The following MGAT4C variants were observed in gnomAD, a reference collection of about 807,000 sequenced individuals.
The protein encoded by MGAT4C is MGAT4 family member C, also known as alpha-1,3-mannosyl-glycoprotein 4-beta-N-acetylglucosaminyltransferase C.
In MGAT4C, 19 loss-of-function variants were observed where a neutral mutation model predicts 40.1. The ratio of observed to expected loss-of-function variants is 0.47; its 90% CI spans 0.33 to 0.70. The LOEUF is 0.70. Ranked by LOEUF, MGAT4C falls within the 30% of genes least tolerant of loss-of-function variation. MGAT4C has a pLI of 0.02. For synonymous variants in MGAT4C, 181 were observed against 187.1 expected, an observed-to-expected ratio of 0.97 and a Z score of 0.27; for missense variants, 491 against 563.2, an observed-to-expected ratio of 0.87 and a Z score of 1.30.
chr12:86,236,991 T>C (rs370479575), intron 1 of MGAT4C, among the ~76,000 whole-genome samples: 2 of 150,584 alleles, frequency 1.3e-5, no homozygotes, highest in Admixed American at 6.7e-5. Context: ...ATATATGATA[T>C]ATAAATATAT....
intron 2 of MGAT4C, among the ~76,000 whole-genome samples, chr12:86,469,582 G>A (rs1957729270): frequency 6.6e-6 from 1 of 152,256 alleles, no homozygotes; most frequent in African/African-American, 2.4e-5. Context: ...AATCAGGTAA[G>A]AGACTGTTAG....
chr12:86,365,239 G>C (rs184536183), intron 3 of MGAT4C, among the ~76,000 whole-genome samples: 1 of 152,088 alleles, frequency 6.6e-6, no homozygotes, highest in Admixed American at 6.6e-5. Flanking sequence ...GCTCTGTTCC[G>C]CCCGGCTCAC....
chr12:86,800,963 T>G (rs147069523), intron 1 of MGAT4C, among the ~76,000 whole-genome samples: 1 of 152,028 alleles, frequency 6.6e-6, no homozygotes, highest in African/African-American at 2.4e-5. Flanking sequence ...CCTCATCACC[T>G]ACCATCCTTC....
intron 1 of MGAT4C, among the ~76,000 whole-genome samples, chr12:86,075,220 C>G (rs1869451400): frequency 6.6e-6 from 1 of 152,182 alleles, no homozygotes; most frequent in Non-Finnish European, 1.5e-5. Flanking sequence ...GAGAAATTGG[C>G]CAACGCCAAG....
intron 2 of MGAT4C, among the ~76,000 whole-genome samples, chr12:86,609,582 G>A (rs181232649): frequency 1.3e-3 from 193 of 152,130 alleles, no homozygotes; most frequent in African/African-American, 4.5e-3. Flanking sequence ...AAGTTAACAG[G>A]ATAATTTTAC....
intron 2 of MGAT4C, among the ~76,000 whole-genome samples, chr12:86,621,231 G>A (rs2136488951): frequency 6.6e-6 from 1 of 152,196 alleles, no homozygotes; most frequent in South Asian, 2.1e-4. Flanking sequence ...ATGAAGTGAT[G>A]TTTGCTTCTG....
intron 2 of MGAT4C, among the ~76,000 whole-genome samples, chr12:86,532,811 T>A (rs1384840115): frequency 6.6e-6 from 1 of 152,024 alleles, no homozygotes; most frequent in African/African-American, 2.4e-5. Context: ...AGTCATGATA[T>A]TTTTACACTT....
intron 4 of MGAT4C, among the ~76,000 whole-genome samples, chr12:86,315,741 C>T (rs538069252): frequency 2.4e-4 from 37 of 151,558 alleles, no homozygotes; most frequent in African/African-American, 8.7e-4. Context: ...AAGAATCCTA[C>T]AAGAAAACCT....
intron 4 of MGAT4C, among the ~76,000 whole-genome samples, chr12:86,307,117 T>G (rs1953952312): frequency 6.6e-6 from 1 of 150,500 alleles, no homozygotes; most frequent in Admixed American, 6.6e-5. Context: ...GATAATTCTT[T>G]AAAATAGAGA....
chr12:86,198,285 G>C (rs909773044), intron 1 of MGAT4C, among the ~76,000 whole-genome samples: 12 of 152,280 alleles, frequency 7.9e-5, no homozygotes, highest in Non-Finnish European at 1.6e-4. Context: ...TTTATCAGTA[G>C]AGTCTGAAGG....
chr12:86,665,724 T>C (rs1331014462), intron 2 of MGAT4C, among the ~76,000 whole-genome samples: 2 of 152,154 alleles, frequency 1.3e-5, no homozygotes, highest in African/African-American at 4.8e-5. Flanking sequence ...AATTATACAA[T>C]TTAATGCAAT....
At chr12:86,297,972 A>G (rs1953719864) in intron 4 of MGAT4C, among the ~76,000 whole-genome samples, 1 of 152,180 alleles carries the variant, frequency 6.6e-6, no homozygotes, top group South Asian at 2.1e-4. Flanking sequence ...ATGTGAAAAC[A>G]TATATATAAA....
chr12:86,476,984 G>A (rs1957846582), intron 2 of MGAT4C, among the ~76,000 whole-genome samples: 1 of 151,982 alleles, frequency 6.6e-6, no homozygotes, highest in African/African-American at 2.4e-5. Flanking sequence ...GTACTATGCT[G>A]ACCATCTGGG....
In MGAT4C at chr12:85,968,162, A is replaced by G. The variant is rs1883450218; in HGVS notation, c.*11127T>C. 6.6e-6 allele frequency: 1 copy of G among 152,068 alleles called. No homozygotes were observed. Among genetic ancestry groups the G allele is most frequent in the Non-Finnish European group, 1.5e-5 (1 of 67,950 alleles). The allele number at this position is 152,068 out of a possible 1,614,324, so 9.4% of individuals were successfully genotyped here. On this transcript the variant is annotated 3_prime_UTR_variant, in exon 5 of 5. Coordinates refer to ENST00000611864, the MANE Select transcript of MGAT4C (RefSeq NM_001351288.2). ...ATACATGCTGACATTTGAAGGATTT[A>G]TGAAAAAAAGTCCACTGTGGAAAAC...
At chr12:86,441,149 A>C (rs1957219630) in intron 2 of MGAT4C, among the ~76,000 whole-genome samples, 1 of 152,030 alleles carries the variant, frequency 6.6e-6, no homozygotes, top group African/African-American at 2.4e-5. Flanking sequence ...AAAGAGCCTA[A>C]ATAGCAAAAA....
At chr12:86,586,102 C>A (rs865938268) in intron 2 of MGAT4C, among the ~76,000 whole-genome samples, 1 of 104,414 alleles carries the variant, frequency 9.6e-6, no homozygotes, top group African/African-American at 3.7e-5. Context: ...CCTCCCCCCT[C>A]CCCCCACCCC....
At chr12:86,510,875 C>A (rs1428197338) in intron 2 of MGAT4C, among the ~76,000 whole-genome samples, 2 of 152,026 alleles carry the variant, frequency 1.3e-5, no homozygotes, top group Admixed American at 6.6e-5. Flanking sequence ...GACTTAGACT[C>A]CCACACATTA....
chr12:86,770,030 AG>A (rs1162756115), intron 1 of MGAT4C, among the ~76,000 whole-genome samples: 1 of 151,940 alleles, frequency 6.6e-6, no homozygotes, highest in Non-Finnish European at 1.5e-5. Context: ...AAATAAAAAA[AG>A]AATGACATTA....
At chr12:86,172,739 TG>T (rs949041540) in intron 1 of MGAT4C, among the ~76,000 whole-genome samples, 10 of 152,134 alleles carry the variant, frequency 6.6e-5, no homozygotes, top group Non-Finnish European at 1.0e-4. Context: ...ACAGATATTA[TG>T]TTTTTTAATG....
Sources: gnomAD v4.1 joint callset for allele counts (sites outside exome capture counted in the v4.1 genomes callset) on GRCh38, gnomAD v4.1.1 for gene constraint, MANE v1.5 for transcripts, NCBI Gene and HGNC (gene_info 2026-07-23, HGNC 2026-07-21) for gene names.